Variants in CACNB2 observed in about 807,000 individuals in gnomAD.
CACNB2 encodes the protein calcium voltage-gated channel auxiliary subunit beta 2, also known as voltage-dependent L-type calcium channel subunit beta-2.
Under a neutral mutation model 73.3 loss-of-function variants are expected in CACNB2, and 42 were observed. That is an observed-to-expected ratio of 0.57 (90% CI 0.45 to 0.74). The LOEUF is 0.74. Ranked by LOEUF, CACNB2 falls within the 30% of genes least tolerant of loss-of-function variation. CACNB2 has a pLI of 0.00. For missense variants in CACNB2, 940 were observed against 853.0 expected, an observed-to-expected ratio of 1.10 and a Z score of -1.27; for synonymous variants, 348 against 310.3, an observed-to-expected ratio of 1.12 and a Z score of -1.28.
intron 3 of CACNB2, among the ~76,000 whole-genome samples, chr10:18,440,530 G>T (rs2046362629): frequency 2.6e-5 from 4 of 152,094 alleles, no homozygotes; most frequent in African/African-American, 7.2e-5. Flanking sequence ...TAACTGGCAT[G>T]GTGGTCCACA....
In CACNB2 at chr10:18,150,789, G is replaced by C; in HGVS notation, c.121-94G>C. On this transcript the variant is annotated intron_variant, in intron 1 of 13. Transcript: ENST00000324631. ...GATGGCAATGTATTACTTGTTTTTG[G>C]TCTTTGACATTTTCTGCAACTAGGC... The C allele has an allele frequency of 5.3e-6, 4 of 756,648 alleles. No individual in the cohort carries two copies. The East Asian group carries it at 1.1e-4, about 21-fold the overall frequency. The allele number at this position is 756,648 out of a possible 1,614,324, so 46.9% of individuals were successfully genotyped here.
intron 3 of CACNB2, among the ~76,000 whole-genome samples, chr10:18,428,417 T>C (rs891364080): frequency 6.6e-6 from 1 of 152,210 alleles, no homozygotes; most frequent in Non-Finnish European, 1.5e-5. Context: ...CCAGGCATGG[T>C]GGCTCACGCC....
At chr10:18,141,390 A>G (rs2030387008) in intron 1 of CACNB2, among the ~76,000 whole-genome samples, 1 of 152,174 alleles carries the variant, frequency 6.6e-6, no homozygotes, top group African/African-American at 2.4e-5. Context: ...AGCTGCCCGG[A>G]CCACGCTGCG....
intron 2 of CACNB2, among the ~76,000 whole-genome samples, chr10:18,243,572 G>T (rs931266756): frequency 3.3e-5 from 5 of 152,132 alleles, no homozygotes; most frequent in Non-Finnish European, 4.4e-5. Flanking sequence ...GGTGGTGTTT[G>T]GTTCATGAGG....
chr10:18,150,617 G>A (rs2031431873), intron 1 of CACNB2, among the ~76,000 whole-genome samples: 1 of 152,076 alleles, frequency 6.6e-6, no homozygotes, highest in Non-Finnish European at 1.5e-5. Context: ...GAGCCAAGAT[G>A]GTGCCATTGC....
At chr10:18,465,680 T>G (rs1219014736) in intron 3 of CACNB2, among the ~76,000 whole-genome samples, 1 of 147,586 alleles carries the variant, frequency 6.8e-6, no homozygotes, top group South Asian at 2.1e-4. Context: ...ATCCAACTTC[T>G]TCTTTTTTTT....
intron 2 of CACNB2, among the ~76,000 whole-genome samples, chr10:18,289,360 TCTCGG>T (rs2038962204): frequency 6.8e-6 from 1 of 146,208 alleles, no homozygotes; most frequent in East Asian, 2.0e-4. Context: ...AGTGGCGTGA[TCTCGG>T]CTCACTGCAA....
chr10:18,393,501 T>G (rs879048545), intron 2 of CACNB2, among the ~76,000 whole-genome samples: 1 of 152,206 alleles, frequency 6.6e-6, no homozygotes, highest in African/African-American at 2.4e-5. Context: ...CATTTTGATA[T>G]GTTCGTTTTT....
intron 2 of CACNB2, among the ~76,000 whole-genome samples, chr10:18,345,108 CAT>C (rs1378065596): frequency 1.3e-5 from 2 of 152,088 alleles, no homozygotes; most frequent in Non-Finnish European, 2.9e-5. Flanking sequence ...ATTTTGTTTT[CAT>C]AGATAAATCT....
chr10:18,352,153 C>T (rs190842320), intron 2 of CACNB2, among the ~76,000 whole-genome samples: 8 of 152,318 alleles, frequency 5.3e-5, no homozygotes, highest in African/African-American at 9.6e-5. Flanking sequence ...CCAGCCTCTG[C>T]GTACTTCATT....
At chr10:18,501,097 C>T (rs1232330935) in intron 5 of CACNB2, 149 bp downstream of exon 5, 3 of 846,668 alleles carry the variant, frequency 3.5e-6, no homozygotes, top group African/African-American at 3.4e-5. Context: ...CTTGCATTTT[C>T]CTGCATTTAA....
intron 2 of CACNB2, among the ~76,000 whole-genome samples, chr10:18,251,134 G>A (rs929553015): frequency 6.6e-6 from 1 of 152,216 alleles, no homozygotes; most frequent in South Asian, 2.1e-4. Context: ...AATTCATTCA[G>A]TGTCTAAAAC....
chr10:18,157,801 A>G (rs1435561634), intron 2 of CACNB2, among the ~76,000 whole-genome samples: 1 of 152,252 alleles, frequency 6.6e-6, no homozygotes, highest in East Asian at 1.9e-4. Context: ...GAAGACATGC[A>G]GAAAAATTCC....
intron 3 of CACNB2, among the ~76,000 whole-genome samples, chr10:18,454,675 A>G (rs755286453): frequency 1.3e-5 from 2 of 152,246 alleles, no homozygotes; most frequent in Non-Finnish European, 2.9e-5. Flanking sequence ...TGGACTGTGT[A>G]GTATTTCAAA....
At chr10:18,436,277 C>G (rs2046133480) in intron 3 of CACNB2, among the ~76,000 whole-genome samples, 1 of 152,192 alleles carries the variant, frequency 6.6e-6, no homozygotes, top group Non-Finnish European at 1.5e-5. Flanking sequence ...TTCATTTCAA[C>G]TTTGAACAAA....
At position 18,396,059 on chromosome 10, in the gene CACNB2, C is replaced by T. The variant is rs571842594; in HGVS notation, c.214-5865C>T. On this transcript the variant is annotated intron_variant, in intron 2 of 13. Coordinates refer to ENST00000324631, the MANE Select transcript of CACNB2 (RefSeq NM_201596.3). The stretch of plus-strand genomic sequence containing the variant: ...GCAGCCTCTGCCTCCTAGGTTCAAG[C>T]GATTCTCCTGCCTCAGCCTCCCGAG... Among the ~76,000 whole-genome samples the T allele has an allele frequency of 4.6e-5, 7 of 152,212 alleles. No individual in the cohort carries two copies. In the East Asian group the frequency reaches 1.2e-3, roughly 25 times the overall value.
chr10:18,443,955 TC>T (rs1377791649), intron 3 of CACNB2, among the ~76,000 whole-genome samples: 1 of 152,128 alleles, frequency 6.6e-6, no homozygotes, highest in Admixed American at 6.6e-5. Flanking sequence ...CCTCGAGCAA[TC>T]CGCCCGCCTT....
intron 2 of CACNB2, chr10:18,151,309 T>G (rs2031537832): frequency 4.1e-6 from 1 of 243,238 alleles, no homozygotes. Context: ...AGAGCTGATG[T>G]GCATCTGTAT....
chr10:18,395,568 G>A (rs1272699738), intron 2 of CACNB2, among the ~76,000 whole-genome samples: 1 of 152,092 alleles, frequency 6.6e-6, no homozygotes, highest in African/African-American at 2.4e-5. Flanking sequence ...AAAGTAATAA[G>A]TACTCAATAA....
Sources: allele counts gnomAD v4.1 joint callset (sites outside exome capture counted in the v4.1 genomes callset), GRCh38; gene constraint gnomAD v4.1.1; transcripts MANE v1.5; gene names NCBI Gene and HGNC (gene_info 2026-07-23, HGNC 2026-07-21).